The following DNAJC10 variants were observed in gnomAD, a reference collection of about 807,000 sequenced individuals.
DNAJC10 encodes the protein endoplasmic reticulum disulfide reductase DNAJC10.
Under a neutral mutation model 115.0 loss-of-function variants are expected in DNAJC10, and 101 were observed. That is an observed-to-expected ratio of 0.88 (90% confidence interval 0.75 to 1.04). DNAJC10 has a LOEUF of 1.04. Among genes scored for constraint, DNAJC10 ranks in the 50% least tolerant of loss-of-function variants. The pLI is 0.00. For missense variants in DNAJC10, 981 were observed against 928.8 expected, an observed-to-expected ratio of 1.06 and a Z score of -0.73; for synonymous variants, 307 against 301.5, an observed-to-expected ratio of 1.02 and a Z score of -0.19.
chr2:182,756,331 A>G lies in DNAJC10; in HGVS notation c.1671A>G (p.Ser557=), dbSNP rs189379421. 2.3e-5 allele frequency: 37 copies of G among 1,613,032 alleles called. No homozygotes were observed. The Admixed American group carries it at 4.5e-4, about 20-fold the overall frequency. Residue 557 remains serine (S), a synonymous_variant, in exon 18 of 24, where the codon TCA becomes TCG. Transcript: ENST00000264065. ...CTCTTCAGGATCTTATGAATCCTTC[A>G]GTGGTCTCCCTTACACCCACCACCT... The part of the protein sequence containing the change: ...LEFIEDLMNP[S]VVSLTPTTFN...
chr2:182,777,210 T>A lies in DNAJC10; in HGVS notation c.*78T>A. The A allele has an allele frequency of 2.3e-6, 2 of 867,150 alleles. No homozygotes were observed. Among genetic ancestry groups the A allele is most frequent in the South Asian group, 5.8e-5 (2 of 34,574 alleles). 53.7% of individuals were successfully genotyped at this position (867,150 alleles called of 1,614,324 possible). On this transcript the variant is annotated 3_prime_UTR_variant, in exon 24 of 24. Coordinates refer to ENST00000264065, the MANE Select transcript of DNAJC10 (RefSeq NM_018981.4). ...GAAGACACCTATTTAGAATGTTACA[T>A]TTATGATGGGAATGAATGAACATTA... is the stretch of plus-strand genomic sequence containing the variant.
chr2:182,756,209 AGTATTTTGGATAAGAGATACT>A, intron 17 of DNAJC10, 84 bp from the exon 18 acceptor site: 1 of 962,648 alleles, frequency 1.0e-6, no homozygotes, highest in Non-Finnish European at 1.5e-6. Context: ...AATACTTCCA[AGTATTTTGGATAAGAGATACT>A]CAACCTGTAC....
chr2:182,759,504 C>G (rs189613636), intron 21 of DNAJC10, among the ~76,000 whole-genome samples, 197 bp downstream of exon 21: 1 of 152,144 alleles, frequency 6.6e-6, no homozygotes, highest in African/African-American at 2.4e-5. Flanking sequence ...CTAACATCTT[C>G]TCTATCTTGG....
At chr2:182,717,368 T>G (rs1419763246) in intron 2 of DNAJC10, among the ~76,000 whole-genome samples, 1 of 152,206 alleles carries the variant, frequency 6.6e-6, no homozygotes, top group Non-Finnish European at 1.5e-5. Flanking sequence ...GGCCTCTACT[T>G]AAATTCAGTA....
rs1290374447 is a variant in DNAJC10 at position 182,787,365 on chromosome 2, C to G, written c.*10233C>G. On this transcript the variant is annotated 3_prime_UTR_variant, in exon 24 of 24. Transcript: ENST00000264065. ...AAATAGGGTGGGCCTACTGTCTCTT[C>G]CCACTGTTTACCTGGTGTTTTGATT... is the stretch of plus-strand genomic sequence containing the variant. 1 of 152,156 alleles carries G rather than the reference C, an allele frequency of 6.6e-6. No individual in the cohort carries two copies. Among genetic ancestry groups the G allele is most frequent in the African/African-American group, 2.4e-5 (1 of 41,440 alleles). The allele number at this position is 152,156 out of a possible 1,614,324, so 9.4% of individuals were successfully genotyped here.
intron 3 of DNAJC10, among the ~76,000 whole-genome samples, chr2:182,719,763 C>G (rs1268337485): frequency 6.8e-6 from 1 of 146,476 alleles, no homozygotes; most frequent in Non-Finnish European, 1.5e-5. Flanking sequence ...GTCTGTCAAC[C>G]TTTTGAAGAG....
rs1445749982 is a variant in DNAJC10 at position 182,781,358 on chromosome 2, T to TAACA, written c.*4227_*4230dup. On this transcript the variant is annotated 3_prime_UTR_variant, in exon 24 of 24. Coordinates refer to ENST00000264065, the MANE Select transcript of DNAJC10 (RefSeq NM_018981.4). ...TTTGTGCCCGTTTCTTTATCCAGTC[T>TAACA]AACATTGATGGGCATTTTGGTTGGT... 1 of 152,224 alleles carries TAACA rather than the reference T, an allele frequency of 6.6e-6. No homozygotes were observed. Among genetic ancestry groups the TAACA allele is most frequent in the African/African-American group, 2.4e-5 (1 of 41,452 alleles). 9.4% of individuals were successfully genotyped at this position (152,224 alleles called of 1,614,324 possible). A position where few individuals can be genotyped will look rare whatever the true frequency, so the allele number is the denominator to read the frequency against.
chr2:182,790,009 C>T lies in DNAJC10; in HGVS notation c.*12877C>T, dbSNP rs1257973429. ...TTGTATTACTTTCCCATTTGGATGCCCTTTTCATCCTTCACCTCATCCTGT... is the reference window on the plus strand; with the variant it reads ...TTGTATTACTTTCCCATTTGGATGCTCTTTTCATCCTTCACCTCATCCTGT... On this transcript the variant is annotated 3_prime_UTR_variant, in exon 24 of 24. Transcript: ENST00000264065. 2 of 152,084 alleles carry T rather than the reference C, an allele frequency of 1.3e-5. No homozygotes were observed. The highest frequency in any genetic ancestry group is 2.9e-5 in the Non-Finnish European group (2 of 68,028). 9.4% of individuals were successfully genotyped at this position (152,084 alleles called of 1,614,324 possible). A position where few individuals can be genotyped will look rare whatever the true frequency, so the allele number is the denominator to read the frequency against.
At chr2:182,755,458 A>G (rs1325968543) in intron 17 of DNAJC10, among the ~76,000 whole-genome samples, 1 of 143,580 alleles carries the variant, frequency 7.0e-6, no homozygotes, top group African/African-American at 2.6e-5. Flanking sequence ...TTTTCTCAGT[A>G]ACACTCTTGA....
intron 8 of DNAJC10, 106 bp from the exon 9 acceptor site, chr2:182,730,924 A>T (rs929161354): frequency 1.0e-5 from 7 of 689,392 alleles, no homozygotes; most frequent in African/African-American, 9.1e-5. Flanking sequence ...CTCAGAGTGG[A>T]TTAGAAGAGG....
At chr2:182,765,047 A>C (rs569160264) in intron 22 of DNAJC10, among the ~76,000 whole-genome samples, 2 of 152,290 alleles carry the variant, frequency 1.3e-5, no homozygotes, top group Admixed American at 6.5e-5. Flanking sequence ...TTATATCGCC[A>C]GTCCGTACTC....
In DNAJC10 at chr2:182,736,307, G is replaced by T. The variant is rs1442973640; in HGVS notation, c.908G>T (p.Ser303Ile). The change falls in exon 11 of 24, where the codon AGC becomes ATC. Residue 303 changes from serine to isoleucine, a missense_variant. Coordinates refer to ENST00000264065, the MANE Select transcript of DNAJC10 (RefSeq NM_018981.4). ...DCATQDNLCK[S>I]LDITTSTTAY... is the part of the protein sequence containing the mutation. The stretch of plus-strand genomic sequence containing the variant: ...GCCACCCAGGATAACCTTTGTAAAA[G>T]CTTAGATATTACAACAAGTACTACT... 2.5e-6 allele frequency: 4 copies of T among 1,596,340 alleles called. No individual in the cohort carries two copies. The African/African-American group carries it at 5.4e-5, about 22-fold the overall frequency.
At chr2:182,727,068 TA>T (rs1693306772) in intron 5 of DNAJC10, among the ~76,000 whole-genome samples, 1 of 151,534 alleles carries the variant, frequency 6.6e-6, no homozygotes, top group Admixed American at 6.6e-5. Context: ...TTTTTTTTTT[TA>T]GACATAATGC....
chr2:182,777,053 C>A, intron 23 of DNAJC10, 68 bp from the exon 24 acceptor site: 2 of 1,043,316 alleles, frequency 1.9e-6, no homozygotes, highest in Admixed American at 2.8e-5. Flanking sequence ...TGTGGTATTT[C>A]ACCTTATTTT....
chr2:182,744,340 G>C (rs140901737), intron 14 of DNAJC10, among the ~76,000 whole-genome samples: 1 of 152,240 alleles, frequency 6.6e-6, no homozygotes, highest in East Asian at 1.9e-4. Context: ...TGCTTTCAAT[G>C]TTGAGGATAT....
intron 16 of DNAJC10, among the ~76,000 whole-genome samples, chr2:182,754,363 A>AAGG (rs1694103809): frequency 6.6e-6 from 1 of 152,214 alleles, no homozygotes; most frequent in Non-Finnish European, 1.5e-5. Context: ...ATCCACAGAC[A>AAGG]AGGATCTCTT....
rs1694975234 is a variant in DNAJC10 at position 182,787,780 on chromosome 2, G to A, written c.*10648G>A. ...ACAAGAAAATTCAAAAATTAGCCAGGCGTGGTAGGGTATGCCTGTAGTCCC... is the reference window on the plus strand; with the variant it reads ...ACAAGAAAATTCAAAAATTAGCCAGACGTGGTAGGGTATGCCTGTAGTCCC... On this transcript the variant is annotated 3_prime_UTR_variant, in exon 24 of 24. Coordinates refer to ENST00000264065, the MANE Select transcript of DNAJC10 (RefSeq NM_018981.4). 1 of 152,132 alleles carries A rather than the reference G, an allele frequency of 6.6e-6. No individual in the cohort carries two copies. The highest frequency in any genetic ancestry group is 1.9e-4 in the East Asian group (1 of 5,174). 9.4% of individuals were successfully genotyped at this position (152,132 alleles called of 1,614,324 possible). A position where few individuals can be genotyped will look rare whatever the true frequency, so the allele number is the denominator to read the frequency against.
rs1053330856 is a variant in DNAJC10 at position 182,779,374 on chromosome 2, T to TAACA, written c.*2243_*2246dup. The stretch of plus-strand genomic sequence containing the variant: ...CCATTTTTGTGTGCAGCTGACCCTC[T>TAACA]AACATGGTATCAATTCTAGCTGACC... On this transcript the variant is annotated 3_prime_UTR_variant, in exon 24 of 24. Transcript: ENST00000264065. 1 of 152,218 alleles carries TAACA rather than the reference T, an allele frequency of 6.6e-6. No individual in the cohort carries two copies. Among genetic ancestry groups the TAACA allele is most frequent in the African/African-American group, 2.4e-5 (1 of 41,468 alleles). The allele number at this position is 152,218 out of a possible 1,614,324, so 9.4% of individuals were successfully genotyped here.
At chr2:182,743,734 A>T (rs769994059) in intron 14 of DNAJC10, 22 bp downstream of exon 14, 32 of 1,474,314 alleles carry the variant, frequency 2.2e-5, no homozygotes, top group Middle Eastern at 1.8e-4. Flanking sequence ...AAAAAATGAT[A>T]AAAAAAAACT....
Sources: allele counts gnomAD v4.1 joint callset (sites outside exome capture counted in the v4.1 genomes callset), GRCh38; gene constraint gnomAD v4.1.1; transcripts MANE v1.5; gene names NCBI Gene and HGNC (gene_info 2026-07-23, HGNC 2026-07-21).